The following MCMDC2 variants were observed in gnomAD, a reference collection of about 807,000 sequenced individuals.
MCMDC2 encodes the protein minichromosome maintenance domain-containing protein 2.
In MCMDC2, 54 loss-of-function variants were observed where a neutral mutation model predicts 75.8. The ratio of observed to expected loss-of-function variants is 0.71; its 90% CI spans 0.57 to 0.89. MCMDC2 has a LOEUF of 0.89. Among genes scored for constraint, MCMDC2 ranks in the 40% least tolerant of loss-of-function variants. The pLI, the probability that MCMDC2 is intolerant of heterozygous loss-of-function variation, is 0.00. For synonymous variants in MCMDC2, 249 were observed against 274.6 expected (o/e 0.91, Z 0.92); for missense variants, 656 against 780.4 (o/e 0.84, Z 1.90).
At chr8:66,880,442 T>A (rs574648395) in intron 7 of MCMDC2, among the ~76,000 whole-genome samples, 1 of 152,356 alleles carries the variant, frequency 6.6e-6, no homozygotes, top group South Asian at 2.1e-4. Flanking sequence ...TTTTTACAAG[T>A]ACTTACATGT....
intron 12 of MCMDC2, among the ~76,000 whole-genome samples, chr8:66,900,336 G>A (rs578078962): frequency 2.0e-4 from 30 of 152,192 alleles, no homozygotes; most frequent in African/African-American, 7.2e-4. Flanking sequence ...TACTCGGGAG[G>A]CTGAGACAGG....
At chr8:66,889,357 A>G (rs2130819533) in intron 9 of MCMDC2, among the ~76,000 whole-genome samples, 1 of 152,336 alleles carries the variant, frequency 6.6e-6, no homozygotes, top group East Asian at 1.9e-4. Flanking sequence ...TGAGACAGGC[A>G]GGTGCCTCAT....
rs1812348179 is a variant in MCMDC2, at chr8:66,896,301, A to G, written c.1411A>G (p.Asn471Asp). The G allele has an allele frequency of 2.5e-6, 4 of 1,609,536 alleles. No individual in the cohort carries two copies. The highest frequency in any genetic ancestry group is 1.7e-5 in the Admixed American group (1 of 58,310). ...TGATGTGGATTCATCTTCAAGGAGA[A>G]ATGCACAGAAAATCAACACTCTAAT... ...FVDVDSSSRR[N>D]AQKINTLIGQ... The change falls in exon 11 of 15, where the codon AAT (asparagine) becomes GAT (aspartate). Residue 471 changes from asparagine to aspartate, a missense_variant. Asn to Asp is a conservative substitution (Grantham distance 23, BLOSUM62 1). Coordinates refer to ENST00000422365, the MANE Select transcript of MCMDC2 (RefSeq NM_173518.5).
At chr8:66,899,947 CTG>C (rs1433598569) in intron 12 of MCMDC2, among the ~76,000 whole-genome samples, 5 of 149,078 alleles carry the variant, frequency 3.4e-5, no homozygotes, top group African/African-American at 2.5e-5. Flanking sequence ...TATGGTGAAA[CTG>C]TCTCTACTAA....
At chr8:66,896,699 A>T in intron 11 of MCMDC2, 81 bp from the exon 12 acceptor site, 1 of 1,008,170 alleles carries the variant, frequency 9.9e-7, no homozygotes, top group Non-Finnish European at 1.4e-6. Flanking sequence ...AACATATAAT[A>T]ATTACTTTGT....
intron 8 of MCMDC2, 81 bp downstream of exon 8, chr8:66,881,055 ATGTGCTAGGCAT>A (rs1486233454): frequency 4.7e-5 from 55 of 1,162,480 alleles, no homozygotes; most frequent in Non-Finnish European, 5.5e-5. Context: ...TTGTTTGCCT[ATGTGCTAGGCAT>A]TCCTCTAAGC....
chr8:66,891,904 A>C (rs1179092062), intron 10 of MCMDC2, among the ~76,000 whole-genome samples: 2 of 152,204 alleles, frequency 1.3e-5, no homozygotes, highest in Admixed American at 1.3e-4. Context: ...GGCATACTGC[A>C]AGTGGCTTCT....
intron 11 of MCMDC2, 29 bp from the exon 12 acceptor site, chr8:66,896,751 T>C (rs763879872): frequency 2.1e-5 from 32 of 1,518,260 alleles, no homozygotes; most frequent in Non-Finnish European, 2.6e-5. Flanking sequence ...AAGTTTAATG[T>C]TTGCCTGTTA....
intron 10 of MCMDC2, 26 bp downstream of exon 10, chr8:66,891,096 T>G (rs764493368): frequency 6.4e-7 from 1 of 1,563,770 alleles, no homozygotes. Flanking sequence ...TAAATTAATT[T>G]TCACCCGTTT....
intron 4 of MCMDC2, among the ~76,000 whole-genome samples, chr8:66,875,431 C>T (rs1270750808): frequency 6.6e-6 from 1 of 152,120 alleles, no homozygotes; most frequent in Non-Finnish European, 1.5e-5. Context: ...AGGCATGTGC[C>T]ACCACACCTG....
downstream of MCMDC2, among the ~76,000 whole-genome samples, chr8:66,923,000 C>T (rs1813610755): frequency 6.6e-6 from 1 of 152,130 alleles, no homozygotes; most frequent in South Asian, 2.1e-4. Context: ...TGAGCTTATT[C>T]CAAACTGGAA....
chr8:66,885,044 G>A (rs1811770310), intron 9 of MCMDC2, among the ~76,000 whole-genome samples: 1 of 152,118 alleles, frequency 6.6e-6, no homozygotes, highest in South Asian at 2.1e-4. Context: ...TTAAAATTTT[G>A]CAATCTGGGC....
Position 66,896,482 on chromosome 8 carries a change from T to C in MCMDC2, c.1446+146T>C, listed in dbSNP as rs574519192. 8 of 785,728 alleles carry C rather than the reference T, an allele frequency of 1.0e-5. No homozygotes were observed. The South Asian group carries it at 1.9e-4, about 19-fold the overall frequency. The allele number at this position is 785,728 out of a possible 1,614,324, so 48.7% of individuals were successfully genotyped here. A position where few individuals can be genotyped will look rare whatever the true frequency, so the allele number is the denominator to read the frequency against. Reference sequence around the variant, plus strand: ...CATGATGACCCAGTTGTTTAAAAATTGTAATGTTTTTTAACCATGTAGATC... The same window carrying C: ...CATGATGACCCAGTTGTTTAAAAATCGTAATGTTTTTTAACCATGTAGATC... On this transcript the variant is annotated intron_variant, in intron 11 of 14. Transcript: ENST00000422365.
downstream of MCMDC2, among the ~76,000 whole-genome samples, chr8:66,924,442 C>T (rs549902543): frequency 5.3e-5 from 8 of 151,960 alleles, no homozygotes; most frequent in African/African-American, 1.9e-4. Context: ...TCAAGACCAG[C>T]CTGGCCAGAT....
intron 14 of MCMDC2, among the ~76,000 whole-genome samples, chr8:66,917,853 C>G (rs1335555436): frequency 6.6e-6 from 1 of 152,202 alleles, no homozygotes; most frequent in African/African-American, 2.4e-5. Context: ...TTGTGAATTA[C>G]ACTGCTATGA....
At chr8:66,916,473 C>T (rs1009039210) in intron 14 of MCMDC2, among the ~76,000 whole-genome samples, 4 of 152,058 alleles carry the variant, frequency 2.6e-5, no homozygotes, top group African/African-American at 7.2e-5. Context: ...GGCAGGTGAT[C>T]GTTTGGAGTT....
At chr8:66,913,145 G>C (rs558546423) in intron 14 of MCMDC2, among the ~76,000 whole-genome samples, 1 of 152,274 alleles carries the variant, frequency 6.6e-6, no homozygotes, top group East Asian at 1.9e-4. Flanking sequence ...CCTTCCACCA[G>C]CAAAAAGATT....
intron 14 of MCMDC2, 135 bp downstream of exon 14, chr8:66,905,470 G>A (rs961773071): frequency 1.2e-6 from 1 of 814,116 alleles, no homozygotes; most frequent in Non-Finnish European, 1.6e-6. Context: ...TACCAGGTAA[G>A]GCCTGTTTTA....
chr8:66,880,479 C>G (rs754331088), intron 7 of MCMDC2, among the ~76,000 whole-genome samples: 8 of 152,172 alleles, frequency 5.3e-5, no homozygotes, highest in African/African-American at 9.7e-5. Context: ...TTATTTTCCT[C>G]TCAAATAAAA....
Sources: gnomAD v4.1 joint callset for allele counts (sites outside exome capture counted in the v4.1 genomes callset) on GRCh38, gnomAD v4.1.1 for gene constraint, MANE v1.5 for transcripts, NCBI Gene and HGNC (gene_info 2026-07-23, HGNC 2026-07-21) for gene names.